Variants in QTMAN observed in about 807,000 individuals in gnomAD.
QTMAN encodes the protein tRNA-queuosine alpha-mannosyltransferase.
At chr2:144,319,918 T>C in the QTMAN span, 1 of 152,224 alleles carries the variant, frequency 6.6e-6, no homozygotes, top group Non-Finnish European at 1.5e-5. Context: ...AAAACATCTA[T>C]TTCAGCACTG....
the QTMAN span, among the ~76,000 whole-genome samples, chr2:144,035,119 T>A: frequency 6.6e-6 from 1 of 152,178 alleles, no homozygotes; most frequent in Non-Finnish European, 1.5e-5. Flanking sequence ...CCTGGTGCTG[T>A]CTTTGTGATA....
chr2:144,296,917 G>T, the QTMAN span, among the ~76,000 whole-genome samples: 1 of 152,128 alleles, frequency 6.6e-6, no homozygotes, highest in Non-Finnish European at 1.5e-5. Context: ...TTCAAAGAAT[G>T]ATTGCTTTAT....
chr2:144,305,286 C>T, the QTMAN span, among the ~76,000 whole-genome samples: 1 of 152,128 alleles, frequency 6.6e-6, no homozygotes, highest in South Asian at 2.1e-4. Context: ...ATATATAGTA[C>T]ATGAAAGGGG....
At chr2:144,249,978 T>C in the QTMAN span, among the ~76,000 whole-genome samples, 2 of 152,268 alleles carry the variant, frequency 1.3e-5, no homozygotes, top group Non-Finnish European at 2.9e-5. Flanking sequence ...GATCAGCAAT[T>C]GTCTGGGAAC....
the QTMAN span, among the ~76,000 whole-genome samples, chr2:144,204,151 CT>C: frequency 6.6e-6 from 1 of 151,990 alleles, no homozygotes; most frequent in Admixed American, 6.6e-5. Context: ...CAAATGGGAT[CT>C]AATTAAACTA....
chr2:144,111,252 C>T, the QTMAN span, among the ~76,000 whole-genome samples: 1 of 152,290 alleles, frequency 6.6e-6, no homozygotes, highest in African/African-American at 2.4e-5. Flanking sequence ...ATTCCCACAT[C>T]TAGAGCATGT....
At chr2:144,187,568 T>C in the QTMAN span, among the ~76,000 whole-genome samples, 1 of 152,166 alleles carries the variant, frequency 6.6e-6, no homozygotes, top group African/African-American at 2.4e-5. Context: ...ACCCTAACAA[T>C]TGCCTTATTG....
chr2:144,317,385 G>GGAAGGAA, the QTMAN span: 1 of 8,188 alleles, frequency 1.2e-4, no homozygotes, highest in Non-Finnish European at 3.6e-4. Flanking sequence ...AAGGAAGGAT[G>GGAAGGAA]GAAGGAAGGA....
chr2:144,146,272 C>A, the QTMAN span, among the ~76,000 whole-genome samples: 2 of 149,376 alleles, frequency 1.3e-5, no homozygotes, highest in Non-Finnish European at 3.0e-5. Context: ...ACCCTCCCCT[C>A]ACTTGTAAAG....
At chr2:144,132,763 G>C in the QTMAN span, among the ~76,000 whole-genome samples, 1 of 151,700 alleles carries the variant, frequency 6.6e-6, no homozygotes, top group Admixed American at 6.6e-5. Context: ...ATGTTGAATG[G>C]ACAAACTTGC....
the QTMAN span, among the ~76,000 whole-genome samples, chr2:144,096,222 A>C: frequency 1.3e-5 from 2 of 152,334 alleles, no homozygotes; most frequent in Middle Eastern, 3.4e-3. Context: ...TTATGAGTAA[A>C]ACAAACCACA....
chr2:144,080,716 G>A, the QTMAN span, among the ~76,000 whole-genome samples: 3 of 152,142 alleles, frequency 2.0e-5, no homozygotes, highest in African/African-American at 4.8e-5. Context: ...CAAGTCACCA[G>A]TACTTAATTT....
the QTMAN span, among the ~76,000 whole-genome samples, chr2:144,027,057 CT>C: frequency 6.6e-6 from 1 of 152,186 alleles, no homozygotes; most frequent in Non-Finnish European, 1.5e-5. Context: ...CTTACTTGGG[CT>C]AGAGATGATC....
chr2:143,944,132 G>T, the QTMAN span: 175 of 152,206 alleles, frequency 1.1e-3, 2 homozygotes, highest in African/African-American at 4.0e-3. Flanking sequence ...ATGAGTCAAC[G>T]TGTAGTACTA....
the QTMAN span, chr2:143,943,218 A>C: frequency 6.6e-6 from 1 of 152,198 alleles, no homozygotes; most frequent in South Asian, 2.1e-4. Context: ...AAACTTCCCC[A>C]GTTATATTTT....
chr2:144,225,721 G>A, the QTMAN span, among the ~76,000 whole-genome samples: 1 of 152,048 alleles, frequency 6.6e-6, no homozygotes, highest in African/African-American at 2.4e-5. Flanking sequence ...CATCTCATCC[G>A]TGAAGACTTA....
At chr2:144,128,452 C>T in the QTMAN span, 1 of 152,028 alleles carries the variant, frequency 6.6e-6, no homozygotes, top group South Asian at 2.1e-4. Context: ...TGTGATGCAA[C>T]TGAAATATTT....
At chr2:144,129,384 T>A in the QTMAN span, among the ~76,000 whole-genome samples, 4 of 151,962 alleles carry the variant, frequency 2.6e-5, no homozygotes, top group Non-Finnish European at 4.4e-5. Flanking sequence ...TATATTTCCA[T>A]GGACACATGA....
the QTMAN span, among the ~76,000 whole-genome samples, chr2:144,162,939 A>G: frequency 6.6e-6 from 1 of 152,204 alleles, no homozygotes; most frequent in Non-Finnish European, 1.5e-5. Flanking sequence ...AGAAACAAAA[A>G]GAGGGTGAAG....
Sources: gnomAD v4.1 joint callset for allele counts (sites outside exome capture counted in the v4.1 genomes callset) on GRCh38, gnomAD v4.1.1 for gene constraint, MANE v1.5 for transcripts, NCBI Gene and HGNC (gene_info 2026-07-23, HGNC 2026-07-21) for gene names.